Variants in BCAR3 observed in about 807,000 individuals in gnomAD.
BCAR3 encodes breast cancer anti-estrogen resistance protein 3.
Under a neutral mutation model 80.1 loss-of-function variants are expected in BCAR3, and 37 were observed. The ratio of observed to expected loss-of-function variants is 0.46; its 90% CI spans 0.36 to 0.61. The LOEUF is 0.61. Among genes scored for constraint, BCAR3 ranks in the 20% least tolerant of loss-of-function variants. BCAR3 has a pLI of 0.00. For missense variants in BCAR3, 978 were observed against 1,068.2 expected, an observed-to-expected ratio of 0.92 and a Z score of 1.18; for synonymous variants, 389 against 418.9, an observed-to-expected ratio of 0.93 and a Z score of 0.87.
intron 2 of BCAR3, among the ~76,000 whole-genome samples, chr1:93,796,661 C>T (rs1011370152): frequency 2.0e-5 from 3 of 152,174 alleles, no homozygotes; most frequent in African/African-American, 7.2e-5. Context: ...TGTTCCTATT[C>T]GGCCATCTTG....
chr1:93,824,696 G>C lies in BCAR3; in HGVS notation c.-63+20871C>G, dbSNP rs1226254041. 3.8e-5 allele frequency among the ~76,000 whole-genome samples: 5 copies of C among 132,190 alleles called. 1 individual carries two copies. The highest frequency in any genetic ancestry group is 1.6e-4 in the Admixed American group (2 of 12,602). 86.7% of individuals were successfully genotyped at this position (132,190 alleles called of 152,430 possible). On this transcript the variant is annotated intron_variant, in intron 2 of 13. Coordinates refer to the BCAR3 transcript ENST00000370244. ...CCTACTCTGGCTTTATTCCTCCCAG[G>C]CTTCCTGTCACACTAACCTCTTTGT...
intron 8 of BCAR3, among the ~76,000 whole-genome samples, chr1:93,573,635 T>TA (rs201796274): frequency 0.04 from 4,818 of 119,722 alleles, 112 homozygotes; most frequent in Middle Eastern, 0.07. Context: ...TTATTATTAT[T>TA]TTTTTTTTTT....
At chr1:93,703,572 GAA>G (rs5776186) in intron 3 of BCAR3, among the ~76,000 whole-genome samples, 133 of 140,468 alleles carry the variant, frequency 9.5e-4, no homozygotes, top group Middle Eastern at 3.6e-3. Flanking sequence ...CTCTTAAAAA[GAA>G]AAAAAAAAAA....
intron 3 of BCAR3, among the ~76,000 whole-genome samples, chr1:93,606,807 T>C (rs1052250600): frequency 6.6e-6 from 1 of 151,974 alleles, no homozygotes; most frequent in East Asian, 1.9e-4. Context: ...AAGAAGACAG[T>C]AGGACTGGAC....
intron 2 of BCAR3, among the ~76,000 whole-genome samples, chr1:93,650,228 T>C (rs236298): frequency 0.013 from 1,962 of 152,144 alleles, 41 homozygotes; most frequent in African/African-American, 0.044. Context: ...CTACTAAAAA[T>C]ACAAAAATTA....
chr1:93,846,042 T>C (rs1373722425), intron 1 of BCAR3, among the ~76,000 whole-genome samples: 1 of 152,160 alleles, frequency 6.6e-6, no homozygotes, highest in Non-Finnish European at 1.5e-5. Flanking sequence ...TAGCTGGGCG[T>C]CCCTACACGA....
At position 93,582,603 on chromosome 1, in the gene BCAR3, G is replaced by C; in HGVS notation, c.1384C>G (p.Gln462Glu). ...TTCCGGGGACCTGGCGCCTCATTCT[G>C]CTTGGCTGTGAGCAGTTCTGTGTGG... ...GSHTELLTAK[Q>E]NEAPGPRNSG... Residue 462 changes from glutamine (Q) to glutamate (E), a missense_variant, in exon 7 of 12, where the codon CAG (glutamine) becomes GAG (glutamate). Physicochemically the swap from Gln to Glu is conservative, Grantham distance 29 (BLOSUM62 2). Coordinates refer to ENST00000260502, the MANE Select transcript of BCAR3 (RefSeq NM_003567.4). 1 of 1,613,764 alleles carries C rather than the reference G, an allele frequency of 6.2e-7. No individual in the cohort carries two copies. The highest frequency in any genetic ancestry group is 1.3e-5 in the African/African-American group (1 of 74,968).
chr1:93,815,583 G>A lies in BCAR3; in HGVS notation c.-63+29984C>T, dbSNP rs564045528. Among the ~76,000 whole-genome samples, 70 of 152,196 alleles carry A rather than the reference G, an allele frequency of 4.6e-4. 1 individual carries two copies. Among genetic ancestry groups the A allele is most frequent in the African/African-American group, 1.5e-3 (61 of 41,524 alleles). On this transcript the variant is annotated intron_variant, in intron 2 of 13. Transcript: ENST00000370244. ...ATTAGGTTGTAAGAGGTGGGGCTTC[G>A]CAAAGCGGGGAAGCAGCCCTCCCCA... is the stretch of plus-strand genomic sequence containing the variant.
chr1:93,799,762 A>T (rs1653410767), intron 2 of BCAR3, among the ~76,000 whole-genome samples: 1 of 152,226 alleles, frequency 6.6e-6, no homozygotes, highest in East Asian at 1.9e-4. Context: ...AGCCCTTAAT[A>T]TTTTGAAAAA....
chr1:93,608,847 C>A (rs1216868886), intron 3 of BCAR3, among the ~76,000 whole-genome samples: 4 of 152,222 alleles, frequency 2.6e-5, no homozygotes, highest in Non-Finnish European at 2.9e-5. Context: ...CTAGCAGCTG[C>A]CACGAGGAGG....
chr1:93,760,742 C>G (rs1457889347), intron 2 of BCAR3, among the ~76,000 whole-genome samples: 1 of 152,214 alleles, frequency 6.6e-6, no homozygotes, highest in African/African-American at 2.4e-5. Flanking sequence ...GCCCCAGACT[C>G]ATCTCCCAGC....
intron 1 of BCAR3, among the ~76,000 whole-genome samples, chr1:93,676,824 A>C (rs1648509417): frequency 6.6e-6 from 1 of 152,204 alleles, no homozygotes; most frequent in South Asian, 2.1e-4. Context: ...TCATGTGCAT[A>C]GGGCCACACT....
At chr1:93,710,336 C>T (rs1048445913) in intron 2 of BCAR3, among the ~76,000 whole-genome samples, 10 of 152,222 alleles carry the variant, frequency 6.6e-5, no homozygotes, top group African/African-American at 2.4e-4. Flanking sequence ...CTTACCCATA[C>T]CATGCTGGAT....
Position 93,592,602 on chromosome 1 carries a change from T to C in BCAR3, c.358-209A>G. On this transcript the variant is annotated intron_variant, in intron 3 of 11. Transcript: ENST00000260502. The surrounding 1 kb of genome is among the most constrained non-coding windows in gnomAD (Gnocchi z 4.8). Reference sequence around the variant, plus strand: ...AAAATTTTCACCTGCACATGGGGACTATGGTAGGAGAGTCCACCAAGAGGT... The same window carrying C: ...AAAATTTTCACCTGCACATGGGGACCATGGTAGGAGAGTCCACCAAGAGGT... 1.8e-6 allele frequency: 1 copy of C among 565,796 alleles called. No homozygotes were observed. Among genetic ancestry groups the C allele is most frequent in the South Asian group, 2.2e-5 (1 of 45,384 alleles). 35.0% of individuals were successfully genotyped at this position (565,796 alleles called of 1,614,324 possible).
chr1:93,764,233 C>T (rs1652060214), intron 2 of BCAR3, among the ~76,000 whole-genome samples: 1 of 151,996 alleles, frequency 6.6e-6, no homozygotes, highest in Admixed American at 6.6e-5. Flanking sequence ...CTTCTCAATC[C>T]TCCCACACTT....
At chr1:93,680,473 G>A (rs1046022819) in intron 1 of BCAR3, among the ~76,000 whole-genome samples, 3 of 152,118 alleles carry the variant, frequency 2.0e-5, no homozygotes, top group African/African-American at 7.2e-5. Context: ...CCTGTGTTGA[G>A]CTGGGCCCCA....
chr1:93,845,417 C>CATGCAATG (rs1297848465), intron 2 of BCAR3: 1 of 146,452 alleles, frequency 6.8e-6, no homozygotes, highest in African/African-American at 2.5e-5. Context: ...ATTCTCCCTG[C>CATGCAATG]ATGCAATGTG....
intron 2 of BCAR3, among the ~76,000 whole-genome samples, chr1:93,832,672 T>A (rs1427674150): frequency 6.6e-6 from 1 of 152,170 alleles, no homozygotes; most frequent in Non-Finnish European, 1.5e-5. Context: ...CAAGGGCGTG[T>A]TTCCCTTGCC....
chr1:93,630,254 G>T (rs894499385), intron 3 of BCAR3, among the ~76,000 whole-genome samples: 18 of 152,200 alleles, frequency 1.2e-4, no homozygotes, highest in African/African-American at 4.3e-4. Context: ...ATCTGGTGTG[G>T]GTGCTCACTC....
Sources: allele counts gnomAD v4.1 joint callset (sites outside exome capture counted in the v4.1 genomes callset), GRCh38; gene constraint gnomAD v4.1.1; non-coding constraint Gnocchi (gnomAD v3.1); transcripts MANE v1.5; gene names NCBI Gene and HGNC (gene_info 2026-07-23, HGNC 2026-07-21).